The following CTNNA3 variants were observed in gnomAD, a reference collection of about 807,000 sequenced individuals.
The protein encoded by CTNNA3 is catenin alpha-3.
Under a neutral mutation model 95.7 loss-of-function variants are expected in CTNNA3, and 76 were observed. The ratio of observed to expected loss-of-function variants is 0.79; its 90% CI spans 0.66 to 0.96. The LOEUF is 0.96. Ranked by LOEUF, CTNNA3 falls within the 40% of genes least tolerant of loss-of-function variation. CTNNA3 has a pLI of 0.00. For missense variants in CTNNA3, 1,191 were observed against 1,089.8 expected (o/e 1.09, Z -1.31); for synonymous variants, 431 against 374.4 (o/e 1.15, Z -1.74).
intron 7 of CTNNA3, among the ~76,000 whole-genome samples, chr10:66,806,565 G>A (rs1841652131): frequency 6.6e-6 from 1 of 151,980 alleles, no homozygotes; most frequent in South Asian, 2.1e-4. Context: ...GAAAGTGGGT[G>A]AAGGGACCCA....
chr10:66,683,807 C>A lies in CTNNA3; in HGVS notation c.1282-62023G>T, dbSNP rs146922290. Among the ~76,000 whole-genome samples the A allele has an allele frequency of 4.7e-3, 715 of 152,088 alleles. 19 individuals carry two copies. The highest frequency in any genetic ancestry group is 0.044 in the Admixed American group (669 of 15,262). ...AAAAGCAATCATTTTGTATTTTGGG[C>A]TGGTTTGAAGAAAGATGGGAAGTGT... is the stretch of plus-strand genomic sequence containing the variant. On this transcript the variant is annotated intron_variant, in intron 9 of 17. Coordinates refer to ENST00000433211, the MANE Select transcript of CTNNA3 (RefSeq NM_013266.4).
At chr10:67,567,338 G>C (rs1241496963) in intron 3 of CTNNA3, among the ~76,000 whole-genome samples, 1 of 151,854 alleles carries the variant, frequency 6.6e-6, no homozygotes, top group Non-Finnish European at 1.5e-5. Context: ...ACAAGCCAGG[G>C]ACAAAAAGAC....
intron 12 of CTNNA3, among the ~76,000 whole-genome samples, chr10:66,308,917 ATC>A (rs2091967247): frequency 6.6e-6 from 1 of 152,182 alleles, no homozygotes; most frequent in Non-Finnish European, 1.5e-5. Context: ...CTTCCTTAAT[ATC>A]TGTTTCTTAC....
At chr10:67,067,987 T>G (rs1856196947) in intron 7 of CTNNA3, among the ~76,000 whole-genome samples, 1 of 152,150 alleles carries the variant, frequency 6.6e-6, no homozygotes, top group African/African-American at 2.4e-5. Flanking sequence ...TTAAACCAAG[T>G]GTCAAATTAG....
intron 1 of CTNNA3, among the ~76,000 whole-genome samples, chr10:67,649,188 T>G (rs886998444): frequency 6.6e-6 from 1 of 152,228 alleles, no homozygotes; most frequent in Non-Finnish European, 1.5e-5. Context: ...TTCTTTCATC[T>G]GAAGGACAAA....
intron 12 of CTNNA3, among the ~76,000 whole-genome samples, chr10:66,335,796 G>C (rs1460012655): frequency 6.6e-6 from 1 of 152,112 alleles, no homozygotes; most frequent in East Asian, 1.9e-4. Flanking sequence ...GGTTTCTGCT[G>C]CCTTTTGTTT....
intron 3 of CTNNA3, among the ~76,000 whole-genome samples, chr10:67,566,654 A>C (rs1841814663): frequency 6.6e-6 from 1 of 152,146 alleles, no homozygotes; most frequent in Non-Finnish European, 1.5e-5. Flanking sequence ...CATTTGACCC[A>C]GCCATCCCAT....
chr10:66,804,323 C>T (rs1841552523), intron 7 of CTNNA3, among the ~76,000 whole-genome samples: 1 of 151,908 alleles, frequency 6.6e-6, no homozygotes, highest in Non-Finnish European at 1.5e-5. Flanking sequence ...GACATTGGCC[C>T]TGGTCTCTCC....
At chr10:66,056,916 A>G (rs1485731172) in intron 15 of CTNNA3, among the ~76,000 whole-genome samples, 1 of 152,216 alleles carries the variant, frequency 6.6e-6, no homozygotes, top group African/African-American at 2.4e-5. Context: ...CAGCTTATGT[A>G]GCAATAGACC....
chr10:67,567,325 G>C (rs1218281961), intron 3 of CTNNA3, among the ~76,000 whole-genome samples: 1 of 151,540 alleles, frequency 6.6e-6, no homozygotes, highest in Non-Finnish European at 1.5e-5. Context: ...TATCATAAGT[G>C]AAACAAGCCA....
chr10:67,299,115 T>A (rs532836365), intron 5 of CTNNA3, among the ~76,000 whole-genome samples: 11 of 152,232 alleles, frequency 7.2e-5, no homozygotes, highest in African/African-American at 2.6e-4. Flanking sequence ...GCCAGGATGG[T>A]CTCGATCTCT....
At chr10:67,290,674 C>G (rs1839800731) in intron 5 of CTNNA3, among the ~76,000 whole-genome samples, 2 of 152,048 alleles carry the variant, frequency 1.3e-5, no homozygotes, top group African/African-American at 4.8e-5. Flanking sequence ...GCAGGATAAC[C>G]AGATCTTTGA....
intron 17 of CTNNA3, among the ~76,000 whole-genome samples, chr10:65,945,251 T>C (rs913945379): frequency 1.3e-5 from 2 of 151,810 alleles, no homozygotes; most frequent in African/African-American, 4.8e-5. Context: ...TTGTGAAAAA[T>C]GGTTGGAATT....
chr10:67,268,854 T>A (rs1564524406), intron 5 of CTNNA3, among the ~76,000 whole-genome samples: 1 of 152,282 alleles, frequency 6.6e-6, no homozygotes, highest in African/African-American at 2.4e-5. Flanking sequence ...CAATCTTTAA[T>A]TGAGTTTATA....
At chr10:67,733,696 T>C (rs1046609678) in intron 1 of CTNNA3, among the ~76,000 whole-genome samples, 1 of 152,176 alleles carries the variant, frequency 6.6e-6, no homozygotes, top group African/African-American at 2.4e-5. Context: ...CCACTACAAG[T>C]GTCACTCCTT....
chr10:66,733,764 AGCTT>A (rs1319383745), intron 9 of CTNNA3, among the ~76,000 whole-genome samples: 2 of 151,674 alleles, frequency 1.3e-5, no homozygotes, highest in African/African-American at 4.8e-5. Flanking sequence ...ATTTGTGAAA[AGCTT>A]CTTTACATCT....
At chr10:67,621,758 A>G (rs200457969) in intron 2 of CTNNA3, among the ~76,000 whole-genome samples, 19,764 of 149,080 alleles carry the variant, frequency 0.13, 1,421 homozygotes, top group Non-Finnish European at 0.16. Context: ...CAAAAAAAAA[A>G]AAAAGAAAAG....
chr10:66,157,446 T>TGATA (rs369692152), intron 13 of CTNNA3, among the ~76,000 whole-genome samples: 2,704 of 151,116 alleles, frequency 0.018, 45 homozygotes, highest in African/African-American at 0.04. Flanking sequence ...GATAGATAGA[T>TGATA]GATAGATAGA....
intron 12 of CTNNA3, among the ~76,000 whole-genome samples, chr10:66,300,629 G>A (rs887508371): frequency 2.0e-5 from 3 of 151,264 alleles, no homozygotes; most frequent in Admixed American, 1.3e-4. Context: ...TAATTCCAGT[G>A]AAATCATGAA....
Sources: allele counts gnomAD v4.1 joint callset (sites outside exome capture counted in the v4.1 genomes callset), GRCh38; gene constraint gnomAD v4.1.1; transcripts MANE v1.5; gene names NCBI Gene and HGNC (gene_info 2026-07-23, HGNC 2026-07-21).